The following EIF4G3 variants were observed in gnomAD, a reference collection of about 807,000 sequenced individuals.
EIF4G3 encodes the protein eIF-4-gamma 3.
Under a neutral mutation model 186.4 loss-of-function variants are expected in EIF4G3, and 34 were observed. The ratio of observed to expected loss-of-function variants is 0.18; its 90% confidence interval spans 0.14 to 0.24. EIF4G3 has a LOEUF of 0.24. EIF4G3 is among the 10% of genes least tolerant of loss of function. The pLI, the probability that EIF4G3 is intolerant of heterozygous loss-of-function variation, is 1.00. For synonymous variants in EIF4G3, 673 were observed against 679.5 expected (o/e 0.99, Z 0.15); for missense variants, 1,536 against 1,948.5 (o/e 0.79, Z 3.99).
chr1:20,851,441 G>A lies in EIF4G3; in HGVS notation c.3589C>T (p.Leu1197Phe). 6.2e-7 allele frequency: 1 copy of A among 1,614,110 alleles called. No individual in the cohort carries two copies. The highest frequency in any genetic ancestry group is 8.5e-7 in the Non-Finnish European group (1 of 1,180,030). ...TTTGGCCGAGCTGTTGCAGATGGAA[G>A]GGGCTTGTCATTCTTCTCCCTGCCC... ...SMGREKNDKP[L>F]PSATARPNTF... Residue 1197 changes from leucine to phenylalanine, a missense_variant, in exon 28 of 37, where the codon CTT (leucine) becomes TTT (phenylalanine). Coordinates refer to ENST00000602326, the MANE Select transcript of EIF4G3 (RefSeq NM_001391906.1).
At chr1:20,863,875 A>C (rs548709951) in intron 22 of EIF4G3, among the ~76,000 whole-genome samples, 1 of 152,308 alleles carries the variant, frequency 6.6e-6, no homozygotes, top group East Asian at 1.9e-4. Context: ...TGTTAAGCTG[A>C]AAGGACTTAC....
intron 2 of EIF4G3, among the ~76,000 whole-genome samples, chr1:21,102,235 G>A (rs2096541356): frequency 6.6e-6 from 1 of 152,160 alleles, no homozygotes; most frequent in Non-Finnish European, 1.5e-5. Flanking sequence ...TTGATCACCT[G>A]AGGTCAGGAG....
chr1:21,075,211 T>C (rs887927496), intron 3 of EIF4G3, among the ~76,000 whole-genome samples: 8 of 152,032 alleles, frequency 5.3e-5, no homozygotes, highest in African/African-American at 1.9e-4. Context: ...AATTAAAAAA[T>C]ATAGACTGGC....
intron 2 of EIF4G3, among the ~76,000 whole-genome samples, chr1:21,117,601 G>A (rs1180399229): frequency 1.3e-5 from 2 of 151,784 alleles, no homozygotes; most frequent in African/African-American, 4.8e-5. Flanking sequence ...TAATAAGACT[G>A]AGGGAGGTAA....
Position 20,841,010 on chromosome 1 carries a change from C to T in EIF4G3, c.3907G>A (p.Glu1303Lys), listed in dbSNP as rs781634561. The change falls in exon 30 of 37, where the codon GAA (glutamate) becomes AAA (lysine). Residue 1303 changes from glutamate to lysine, a missense_variant. Glu to Lys is a moderately conservative substitution (Grantham distance 56). Transcript: ENST00000602326. The part of the protein sequence containing the change: ...NDFKEAMQCV[E>K]ELNAQGLLHV... ...AGTAGGCCCTGGGCATTCAGCTCTT[C>T]CACACACTGCATGGCTTCCTGTTCC... The T allele has an allele frequency of 1.2e-6, 2 of 1,614,122 alleles. No individual in the cohort carries two copies. The highest frequency in any genetic ancestry group is 4.5e-5 in the East Asian group (2 of 44,886).
intron 3 of EIF4G3, among the ~76,000 whole-genome samples, chr1:21,078,162 T>C (rs1428107632): frequency 1.3e-5 from 2 of 152,226 alleles, no homozygotes; most frequent in African/African-American, 2.4e-5. Context: ...CAGAGATAGC[T>C]GCCACCCGTG....
At chr1:21,013,186 T>C (rs1313501923) in intron 4 of EIF4G3, among the ~76,000 whole-genome samples, 1 of 151,980 alleles carries the variant, frequency 6.6e-6, no homozygotes, top group Non-Finnish European at 1.5e-5. Flanking sequence ...CTCAACTGTG[T>C]AATAATTTCA....
At chr1:20,865,072 G>A in intron 21 of EIF4G3, 44 bp downstream of exon 21, 1 of 1,608,380 alleles carries the variant, frequency 6.2e-7, no homozygotes, top group Non-Finnish European at 8.5e-7. Context: ...CTACTTTACA[G>A]TGCTCAAAGT....
intron 14 of EIF4G3, 38 bp downstream of exon 14, chr1:20,941,453 T>G: frequency 6.2e-7 from 1 of 1,606,810 alleles, no homozygotes; most frequent in Non-Finnish European, 8.5e-7. Context: ...CTCTTCTTCA[T>G]GTTCAGCAAG....
chr1:20,966,212 C>T (rs1336861457), intron 12 of EIF4G3, among the ~76,000 whole-genome samples: 4 of 152,134 alleles, frequency 2.6e-5, no homozygotes, highest in Non-Finnish European at 5.9e-5. Flanking sequence ...ACTTTAAGGC[C>T]AATACTACAG....
intron 2 of EIF4G3, among the ~76,000 whole-genome samples, chr1:21,132,710 A>C (rs1403795274): frequency 6.6e-6 from 1 of 151,220 alleles, no homozygotes; most frequent in Non-Finnish European, 1.5e-5. Context: ...AAAATGCTAG[A>C]AGCACAGGCA....
intron 29 of EIF4G3, among the ~76,000 whole-genome samples, chr1:20,843,924 G>C (rs2069681470): frequency 6.6e-6 from 1 of 152,102 alleles, no homozygotes; most frequent in Non-Finnish European, 1.5e-5. Flanking sequence ...TTCTGTTCCT[G>C]CATTAGTTTG....
At chr1:20,807,908 G>T (rs193125233) in intron 36 of EIF4G3, among the ~76,000 whole-genome samples, 114 of 150,678 alleles carry the variant, frequency 7.6e-4, no homozygotes, top group African/African-American at 2.6e-3. Context: ...GATTATAGGC[G>T]CCTGCCTGGG....
At chr1:21,100,230 G>C (rs998549847) in intron 2 of EIF4G3, among the ~76,000 whole-genome samples, 1 of 152,114 alleles carries the variant, frequency 6.6e-6, no homozygotes, top group Non-Finnish European at 1.5e-5. Flanking sequence ...GAGGGTGACT[G>C]CTAAAGGATC....
chr1:21,084,404 T>TG (rs2095891635), intron 3 of EIF4G3, among the ~76,000 whole-genome samples: 1 of 152,050 alleles, frequency 6.6e-6, no homozygotes, highest in Admixed American at 6.6e-5. Flanking sequence ...GCCACACCTT[T>TG]GAACCATCAG....
intron 2 of EIF4G3, among the ~76,000 whole-genome samples, chr1:21,121,969 G>C (rs995489429): frequency 2.6e-5 from 4 of 151,992 alleles, no homozygotes; most frequent in Non-Finnish European, 5.9e-5. Flanking sequence ...TTATTATTAA[G>C]CCCATTTTAC....
chr1:21,154,323 A>G (rs923279727), intron 2 of EIF4G3, among the ~76,000 whole-genome samples: 1 of 152,228 alleles, frequency 6.6e-6, no homozygotes. Flanking sequence ...TTTTTTAATC[A>G]CAAAATGCTA....
chr1:20,891,287 T>G (rs1028648815), intron 18 of EIF4G3, among the ~76,000 whole-genome samples: 3 of 152,222 alleles, frequency 2.0e-5, no homozygotes, highest in Admixed American at 1.3e-4. Context: ...GATTTATACA[T>G]TTTGTGAGTC....
In EIF4G3 at chr1:20,851,336, T is replaced by C; in HGVS notation, c.3694A>G (p.Thr1232Ala). 2 of 1,614,130 alleles carry C rather than the reference T, an allele frequency of 1.2e-6. No individual in the cohort carries two copies. Among genetic ancestry groups the C allele is most frequent in the Non-Finnish European group, 1.7e-6 (2 of 1,180,028 alleles). The stretch of plus-strand genomic sequence containing the variant: ...ACACCTCCTGTGAGCTGCTTCACGG[T>C]CTCCAGCATCTCTCTCCGCTGCTCT... ...QEEQRREMLETVKQLTGGVDV... is the reference protein window; with the variant it reads ...QEEQRREMLEAVKQLTGGVDV... The change falls in exon 28 of 37, where the codon ACC becomes GCC. Residue 1232 changes from threonine to alanine, a missense_variant. Physicochemically the swap from Thr to Ala is moderately conservative, Grantham distance 58. Around this residue, in one of 11 missense-constraint regions of EIF4G3, gnomAD observed 395 missense variants for 498.9 expected, o/e 0.79. Coordinates refer to ENST00000602326, the MANE Select transcript of EIF4G3 (RefSeq NM_001391906.1).
Sources: gnomAD v4.1 joint callset for allele counts (sites outside exome capture counted in the v4.1 genomes callset) on GRCh38, gnomAD v4.1.1 for gene constraint, gnomAD v4.1.1 regional missense constraint, MANE v1.5 for transcripts, NCBI Gene and HGNC (gene_info 2026-07-23, HGNC 2026-07-21) for gene names.